The following ROCK2 variants were observed in gnomAD, a reference collection of about 807,000 sequenced individuals.
ROCK2 encodes the protein rho-associated protein kinase 2.
ROCK2 carries 61 observed loss-of-function variants against 195.1 expected under a neutral mutation model. That is an observed-to-expected ratio of 0.31 (90% confidence interval 0.25 to 0.39). The LOEUF (loss-of-function observed/expected upper bound fraction) is 0.39. Among genes scored for constraint, ROCK2 ranks in the 10% least tolerant of loss-of-function variants. The probability of loss-of-function intolerance (pLI) is 1.00; values close to 1 mark genes in which losing one functional copy is unlikely to be tolerated. For synonymous variants in ROCK2, 504 were observed against 545.5 expected, an observed-to-expected ratio of 0.92 and a Z score of 1.06; for missense variants, 1,109 against 1,637.4, an observed-to-expected ratio of 0.68 and a Z score of 5.57.
chr2:11,310,835 A>AT (rs1668009939), intron 1 of ROCK2, among the ~76,000 whole-genome samples: 2 of 152,008 alleles, frequency 1.3e-5, no homozygotes, highest in Admixed American at 1.3e-4. Flanking sequence ...ATTTTCCAGA[A>AT]TTTTGATCCA....
intron 3 of ROCK2, among the ~76,000 whole-genome samples, chr2:11,254,173 T>C (rs1035063467): frequency 1.3e-5 from 2 of 152,152 alleles, no homozygotes; most frequent in African/African-American, 2.4e-5. Flanking sequence ...AGCCCTCCCA[T>C]TGTAAACAAC....
chr2:11,291,797 A>G (rs1257034811), intron 1 of ROCK2, among the ~76,000 whole-genome samples: 2 of 152,246 alleles, frequency 1.3e-5, no homozygotes, highest in Non-Finnish European at 1.5e-5. Flanking sequence ...TAAGATCACC[A>G]GAGGACTGAT....
At chr2:11,338,762 A>G (rs925208057) in intron 1 of ROCK2, among the ~76,000 whole-genome samples, 1 of 152,210 alleles carries the variant, frequency 6.6e-6, no homozygotes, top group African/African-American at 2.4e-5. Flanking sequence ...CAATTCAACA[A>G]TGAGAAAAAG....
At chr2:11,208,591 TTTTTC>T (rs1477184869) in intron 18 of ROCK2, 144 bp from the exon 19 acceptor site, 4 of 446,234 alleles carry the variant, frequency 9.0e-6, no homozygotes, top group African/African-American at 4.1e-5. Context: ...TAATTTTCTT[TTTTTC>T]TTTTCTTTTT....
intron 7 of ROCK2, among the ~76,000 whole-genome samples, chr2:11,222,383 T>C (rs1392190670): frequency 6.6e-6 from 1 of 152,044 alleles, no homozygotes; most frequent in African/African-American, 2.4e-5. Flanking sequence ...TAATGCACAA[T>C]AAATGTCATG....
intron 18 of ROCK2, among the ~76,000 whole-genome samples, chr2:11,208,992 C>T (rs902245137): frequency 3.9e-5 from 6 of 152,144 alleles, no homozygotes; most frequent in African/African-American, 1.4e-4. Flanking sequence ...TACATCTATT[C>T]TAATGGAAGC....
In ROCK2 at chr2:11,198,676, C is replaced by T; in HGVS notation, c.3004+5G>A. 1 of 1,593,632 alleles carries T rather than the reference C, an allele frequency of 6.3e-7. No individual in the cohort carries two copies. Among genetic ancestry groups the T allele is most frequent in the Non-Finnish European group, 8.6e-7 (1 of 1,165,156 alleles). On this transcript the variant is annotated splice_donor_5th_base_variant and intron_variant, in intron 24 of 32. Coordinates refer to ENST00000315872, the MANE Select transcript of ROCK2 (RefSeq NM_004850.5). ...TAAAAATAAACATTTTTTGTTAATA[C>T]ATACGCTCTTGAACATCTTTCAATT...
chr2:11,297,191 A>T (rs1047948858), intron 1 of ROCK2, among the ~76,000 whole-genome samples: 1 of 152,118 alleles, frequency 6.6e-6, no homozygotes, highest in Non-Finnish European at 1.5e-5. Context: ...TAAAAAATTA[A>T]TGTTTAAAAA....
chr2:11,314,446 T>C (rs376242056), intron 1 of ROCK2, among the ~76,000 whole-genome samples: 1 of 101,106 alleles, frequency 9.9e-6, no homozygotes, highest in African/African-American at 3.1e-5. Context: ...TTCATTTACA[T>C]TTATTGGTAC....
At chr2:11,273,928 CAA>C (rs34951428) in intron 3 of ROCK2, among the ~76,000 whole-genome samples, 8 of 108,000 alleles carry the variant, frequency 7.4e-5, no homozygotes, top group Admixed American at 1.9e-4. Flanking sequence ...GACTCCATCT[CAA>C]AAAAAAAAAA....
chr2:11,309,036 A>C, intron 1 of ROCK2: 1 of 1,536,156 alleles, frequency 6.5e-7, no homozygotes, highest in Non-Finnish European at 8.8e-7. Flanking sequence ...AACAGGCAGG[A>C]AGCAAGCCGT....
rs186491127 is a variant in ROCK2 at position 11,341,641 on chromosome 2, G to A, written c.141+2355C>T. ...TTTCTGAGCTCCTGAATGTAGTGTC[G>A]CAGCTGTGTTTGCTTTAAATTATAT... On this transcript the variant is annotated intron_variant, in intron 1 of 32. Transcript: ENST00000315872. Among the ~76,000 whole-genome samples the A allele has an allele frequency of 4.0e-5, 6 of 151,348 alleles. No homozygotes were observed. The East Asian group carries it at 1.2e-3, about 29-fold the overall frequency.
intron 3 of ROCK2, among the ~76,000 whole-genome samples, chr2:11,265,588 G>A (rs1003118144): frequency 1.3e-5 from 2 of 152,078 alleles, no homozygotes; most frequent in African/African-American, 4.8e-5. Context: ...TACAAAAAGG[G>A]TGGTTACCTT....
At chr2:11,242,105 C>T (rs1423241154) in intron 4 of ROCK2, among the ~76,000 whole-genome samples, 1 of 152,026 alleles carries the variant, frequency 6.6e-6, no homozygotes, top group Non-Finnish European at 1.5e-5. Context: ...TCCCAGCATC[C>T]AGAACTTTGG....
chr2:11,261,075 T>C (rs1666210040), intron 3 of ROCK2, among the ~76,000 whole-genome samples: 1 of 152,248 alleles, frequency 6.6e-6, no homozygotes, highest in African/African-American at 2.4e-5. Flanking sequence ...CTGTAGGATA[T>C]CTACAAAACT....
chr2:11,329,796 A>T (rs1370959281), intron 1 of ROCK2, among the ~76,000 whole-genome samples: 1 of 152,186 alleles, frequency 6.6e-6, no homozygotes, highest in South Asian at 2.1e-4. Flanking sequence ...AAATTCTTTA[A>T]ATGTTCTCTT....
chr2:11,205,386 T>C (rs1352208139), intron 20 of ROCK2, among the ~76,000 whole-genome samples: 4 of 152,174 alleles, frequency 2.6e-5, no homozygotes, highest in Non-Finnish European at 1.5e-5. Context: ...ACTTCATCAG[T>C]CACAAGGCTT....
rs1295260948 is a variant in ROCK2 at position 11,181,306 on chromosome 2, GAAAT to G, written c.*2127_*2130del. The G allele has an allele frequency of 6.7e-6, 1 of 149,472 alleles. No individual in the cohort carries two copies. Among genetic ancestry groups the G allele is most frequent in the Non-Finnish European group, 1.5e-5 (1 of 67,518 alleles). 9.3% of individuals were successfully genotyped at this position (149,472 alleles called of 1,614,324 possible). A position where few individuals can be genotyped will look rare whatever the true frequency, so the allele number is the denominator to read the frequency against. ...CTCCTTTTAACAACTCTAATGAATG[GAAAT>G]ATTTATTCTATATAAATTTATATAT... On this transcript the variant is annotated 3_prime_UTR_variant, in exon 33 of 33. Coordinates refer to ENST00000315872, the MANE Select transcript of ROCK2 (RefSeq NM_004850.5).
At chr2:11,341,948 T>C (rs1669119100) in intron 1 of ROCK2, among the ~76,000 whole-genome samples, 2 of 152,198 alleles carry the variant, frequency 1.3e-5, no homozygotes, top group South Asian at 2.1e-4. Context: ...ATGTATTTAA[T>C]GCCTGCCACT....
Sources: allele counts gnomAD v4.1 joint callset (sites outside exome capture counted in the v4.1 genomes callset), GRCh38; gene constraint gnomAD v4.1.1; transcripts MANE v1.5; gene names NCBI Gene and HGNC (gene_info 2026-07-23, HGNC 2026-07-21).